The following ROBO2 variants were observed in gnomAD, a reference collection of about 807,000 sequenced individuals.
ROBO2 encodes the protein roundabout homolog 2.
A neutral mutation model predicts 160.8 loss-of-function variants in ROBO2; 53 were observed. That is an observed-to-expected ratio of 0.33 (90% CI 0.26 to 0.41). The LOEUF (loss-of-function observed/expected upper bound fraction) is 0.41. Ranked by LOEUF, ROBO2 falls within the 10% of genes least tolerant of loss-of-function variation. ROBO2 has a pLI of 1.00. For synonymous variants in ROBO2, 664 were observed against 611.7 expected (o/e 1.09, Z -1.26); for missense variants, 1,577 against 1,722.4 (o/e 0.92, Z 1.49).
intron 2 of ROBO2, among the ~76,000 whole-genome samples, chr3:76,556,886 T>C (rs1419772595): frequency 6.6e-6 from 1 of 152,128 alleles, no homozygotes; most frequent in Non-Finnish European, 1.5e-5. Context: ...AAAATCCATT[T>C]TTTCACCTTT....
intron 2 of ROBO2, among the ~76,000 whole-genome samples, chr3:77,151,460 T>A (rs994503120): frequency 2.6e-5 from 4 of 152,158 alleles, no homozygotes. Context: ...TGGCCTTTTC[T>A]TGTCTCTCTT....
chr3:76,675,205 C>T (rs1202888758), intron 2 of ROBO2, among the ~76,000 whole-genome samples: 1 of 152,150 alleles, frequency 6.6e-6, no homozygotes, highest in Non-Finnish European at 1.5e-5. Context: ...GAGTTTCCTC[C>T]AGGGGACAAT....
chr3:77,293,391 C>A (rs1254887664), intron 2 of ROBO2, among the ~76,000 whole-genome samples: 8 of 109,126 alleles, frequency 7.3e-5, no homozygotes, highest in South Asian at 3.2e-4. Flanking sequence ...TAGATCACCC[C>A]AGACATAAAG....
At position 76,780,927 on chromosome 3, in the gene ROBO2, T is replaced by C. The variant is rs114557120; in HGVS notation, c.110-317087T>C. On this transcript the variant is annotated intron_variant, in intron 2 of 26. Transcript: ENST00000487694. The stretch of plus-strand genomic sequence containing the variant: ...TTGTGATTCCACAGGAATTATAGGA[T>C]GGTTTTTATATTTCTGAGAAAAAAA... Among the ~76,000 whole-genome samples, 1,153 of 150,910 alleles carry C rather than the reference T, an allele frequency of 7.6e-3. 24 individuals are homozygous for C. The highest frequency in any genetic ancestry group is 0.026 in the African/African-American group (1,085 of 41,374).
chr3:77,373,145 TTA>T (rs1286294615), intron 2 of ROBO2, among the ~76,000 whole-genome samples: 13 of 147,088 alleles, frequency 8.8e-5, no homozygotes, highest in African/African-American at 3.2e-4. Flanking sequence ...ATTATAAAAA[TTA>T]TTATAAAATT....
intron 2 of ROBO2, among the ~76,000 whole-genome samples, chr3:76,851,281 C>T (rs1286941781): frequency 6.6e-6 from 1 of 152,130 alleles, no homozygotes; most frequent in Non-Finnish European, 1.5e-5. Context: ...TTCAAGTGCT[C>T]AATAACCACA....
intron 2 of ROBO2, among the ~76,000 whole-genome samples, chr3:77,212,088 G>A (rs1415452989): frequency 6.6e-6 from 1 of 152,162 alleles, no homozygotes; most frequent in African/African-American, 2.4e-5. Context: ...GAGCTTGAAA[G>A]TAGTTTTTTC....
intron 2 of ROBO2, among the ~76,000 whole-genome samples, chr3:77,001,153 G>A (rs1475425210): frequency 1.3e-5 from 2 of 152,110 alleles, no homozygotes; most frequent in African/African-American, 4.8e-5. Context: ...AAATTATGTT[G>A]CATAAATGAA....
rs201356083 is a variant in ROBO2, at chr3:77,607,890, C to G, written c.3229C>G (p.Pro1077Ala). 2.5e-4 allele frequency: 396 copies of G among 1,613,806 alleles called. No homozygotes were observed. The highest frequency in any genetic ancestry group is 3.2e-4 in the Non-Finnish European group (379 of 1,179,928). Residue 1077 changes from proline (P) to alanine (A), a missense_variant, in exon 21 of 26, where the codon CCC becomes GCC. Physicochemically the swap from Pro to Ala is conservative, Grantham distance 27. This residue lies in a region of ROBO2 where 637 missense variants were observed against 586.9 expected (regional missense o/e 1.09). Coordinates refer to ENST00000461745, the Ensembl canonical transcript of ROBO2. Reference sequence around the variant, plus strand: ...TTGGGCCAATGTCCCTCTACCTCCCCCCCCAGTCCAGCCCCTTCCTGGCAC... The same window carrying G: ...TTGGGCCAATGTCCCTCTACCTCCCGCCCCAGTCCAGCCCCTTCCTGGCAC...
At chr3:76,537,451 A>G (rs182477635) in intron 2 of ROBO2, among the ~76,000 whole-genome samples, 1 of 152,162 alleles carries the variant, frequency 6.6e-6, no homozygotes, top group African/African-American at 2.4e-5. Flanking sequence ...ACTTTTTAAG[A>G]ACACAGGCTA....
intron 2 of ROBO2, among the ~76,000 whole-genome samples, chr3:77,011,722 G>C (rs1324971286): frequency 6.6e-6 from 1 of 151,986 alleles, no homozygotes; most frequent in Non-Finnish European, 1.5e-5. Context: ...CCCAAGGGTA[G>C]TTTTCTTTAA....
chr3:75,912,878 A>C (rs1188875033), intron 1 of ROBO2, among the ~76,000 whole-genome samples: 4 of 152,200 alleles, frequency 2.6e-5, no homozygotes, highest in Non-Finnish European at 5.9e-5. Context: ...TAAGTTTGTC[A>C]CTATTGCACT....
Position 77,502,548 on chromosome 3 carries a change from CAT to C in ROBO2, c.806+9169_806+9170del, listed in dbSNP as rs1310783527. On this transcript the variant is annotated intron_variant, in intron 5 of 25. Transcript: ENST00000461745. ...TAAGAAAAAATAATTTCACTGGAAA[CAT>C]ATTAGAAGTTAAAGAAGTGCTTGCT... 2.6e-5 allele frequency among the ~76,000 whole-genome samples: 4 copies of C among 152,124 alleles called. No homozygotes were observed. The East Asian group carries it at 5.8e-4, about 22-fold the overall frequency.
intron 2 of ROBO2, among the ~76,000 whole-genome samples, chr3:76,692,938 T>C (rs1168616127): frequency 2.0e-5 from 3 of 150,886 alleles, no homozygotes; most frequent in Middle Eastern, 3.2e-3. Context: ...ATAGTGTGTA[T>C]ATATAGTGTA....
At chr3:76,061,293 C>G (rs192673733) in intron 2 of ROBO2, among the ~76,000 whole-genome samples, 37 of 152,260 alleles carry the variant, frequency 2.4e-4, no homozygotes, top group African/African-American at 8.7e-4. Flanking sequence ...ATCTCATGGT[C>G]AGCAACCAAG....
intron 2 of ROBO2, among the ~76,000 whole-genome samples, chr3:76,357,948 G>A (rs2075277587): frequency 6.6e-6 from 1 of 150,850 alleles, no homozygotes; most frequent in South Asian, 2.1e-4. Context: ...AAACAGTCAT[G>A]TCACTCCAAA....
chr3:76,607,569 A>G (rs2087758403), intron 2 of ROBO2, among the ~76,000 whole-genome samples: 1 of 152,218 alleles, frequency 6.6e-6, no homozygotes, highest in African/African-American at 2.4e-5. Context: ...ATAGATGTGC[A>G]TTATTGCTTC....
chr3:77,561,045 G>A (rs1057173465), intron 9 of ROBO2, among the ~76,000 whole-genome samples: 1 of 152,082 alleles, frequency 6.6e-6, no homozygotes, highest in Admixed American at 6.6e-5. Flanking sequence ...TCTTCCCTCT[G>A]TGTAATAGAA....
chr3:76,943,566 C>A (rs965190431), intron 2 of ROBO2, among the ~76,000 whole-genome samples: 3 of 152,084 alleles, frequency 2.0e-5, no homozygotes, highest in Non-Finnish European at 4.4e-5. Flanking sequence ...AAGTTAATTA[C>A]CAAACTAGAA....
Sources: allele counts gnomAD v4.1 joint callset (sites outside exome capture counted in the v4.1 genomes callset), GRCh38; gene constraint gnomAD v4.1.1; regional missense constraint gnomAD v4.1.1; transcripts MANE v1.5; gene names NCBI Gene and HGNC (gene_info 2026-07-23, HGNC 2026-07-21).